The following TADA2A variants were observed in gnomAD, a reference collection of about 807,000 sequenced individuals.
TADA2A encodes the protein transcriptional adapter 2-alpha.
In TADA2A, 38 loss-of-function variants were observed where a neutral mutation model predicts 67.4. The observed-to-expected ratio is 0.56, with a 90% CI of 0.44 to 0.74. The LOEUF is 0.74. TADA2A is among the 30% of genes least tolerant of loss of function. The probability of loss-of-function intolerance (pLI) is 0.00; values close to 1 mark genes in which losing one functional copy is unlikely to be tolerated. For synonymous variants in TADA2A, 192 were observed against 181.6 expected, an observed-to-expected ratio of 1.06 and a Z score of -0.46; for missense variants, 454 against 547.0, an observed-to-expected ratio of 0.83 and a Z score of 1.70.
intron 4 of TADA2A, among the ~76,000 whole-genome samples, chr17:37,430,850 C>T (rs1479811221): frequency 6.6e-6 from 1 of 152,176 alleles, no homozygotes; most frequent in Non-Finnish European, 1.5e-5. Flanking sequence ...ATGACAGTCT[C>T]TTCAACTAAT....
chr17:37,455,608 C>T (rs982195735), intron 8 of TADA2A, among the ~76,000 whole-genome samples: 1 of 152,080 alleles, frequency 6.6e-6, no homozygotes, highest in Non-Finnish European at 1.5e-5. Flanking sequence ...GTCTTGAGCT[C>T]CTGACCTTGT....
intron 15 of TADA2A, 33 bp from the exon 16 acceptor site, chr17:37,476,764 G>A: frequency 1.3e-6 from 2 of 1,584,824 alleles, no homozygotes; most frequent in South Asian, 1.1e-5. Context: ...AATGACAGAT[G>A]TTAATGTTTA....
chr17:37,432,183 T>TG (rs1255797912), intron 4 of TADA2A, among the ~76,000 whole-genome samples: 2 of 152,170 alleles, frequency 1.3e-5, no homozygotes, highest in African/African-American at 4.8e-5. Context: ...TATTTTTTTT[T>TG]TGTGACAGTC....
At chr17:37,460,026 A>G (rs1014029950) in intron 9 of TADA2A, among the ~76,000 whole-genome samples, 1 of 149,852 alleles carries the variant, frequency 6.7e-6, no homozygotes, top group African/African-American at 2.4e-5. Flanking sequence ...AGATCACACC[A>G]CTGCACTCCA....
At chr17:37,459,778 T>C (rs2148018745) in intron 9 of TADA2A, among the ~76,000 whole-genome samples, 1 of 151,786 alleles carries the variant, frequency 6.6e-6, no homozygotes, top group Admixed American at 6.6e-5. Flanking sequence ...CCTTTTTCTT[T>C]TTTTAGACTG....
chr17:37,468,089 A>G (rs1410661652), intron 12 of TADA2A, among the ~76,000 whole-genome samples: 1 of 152,140 alleles, frequency 6.6e-6, no homozygotes, highest in East Asian at 1.9e-4. Context: ...TTCAAAAAAA[A>G]AAAAAAGGAA....
At chr17:37,424,165 G>A (rs2052332863) in intron 3 of TADA2A, among the ~76,000 whole-genome samples, 1 of 152,130 alleles carries the variant, frequency 6.6e-6, no homozygotes. Flanking sequence ...GGGCACAGTG[G>A]CTCATGCCTG....
Position 37,465,487 on chromosome 17 carries a change from T to G in TADA2A, c.769T>G (p.Phe257Val). The G allele has an allele frequency of 6.2e-7, 1 of 1,614,122 alleles. No individual in the cohort carries two copies. Among genetic ancestry groups the G allele is most frequent in the African/African-American group, 1.3e-5 (1 of 75,010 alleles). The part of the protein sequence containing the change: ...VQDLYETMRR[F>V]ARIVGPVEHD... ...GGACCTGTATGAAACAATGAGGCGATTTGCAAGAATTGTGGGGCCAGTGGA... is the reference window on the plus strand; with the variant it reads ...GGACCTGTATGAAACAATGAGGCGAGTTGCAAGAATTGTGGGGCCAGTGGA... Residue 257 changes from phenylalanine (F) to valine (V), a missense_variant, in exon 11 of 16, where the codon TTT becomes GTT. By Grantham distance (50) the Phe-to-Val change is conservative (BLOSUM62 -1). Around this residue, in one of 2 missense-constraint regions of TADA2A, gnomAD observed 403 missense variants for 455.5 expected, o/e 0.88. Transcript: ENST00000615182.
chr17:37,459,655 C>T (rs965494968), intron 9 of TADA2A, among the ~76,000 whole-genome samples: 1 of 151,164 alleles, frequency 6.6e-6, no homozygotes, highest in Non-Finnish European at 1.5e-5. Flanking sequence ...TGCAGTGTCA[C>T]TATCATGGCT....
chr17:37,440,539 AAGG>A lies in TADA2A; in HGVS notation c.325_327del (p.Glu109del). On this transcript the variant is annotated inframe_deletion, in exon 6 of 16. Transcript: ENST00000615182. ...AGCCAATCAAATGTGCACCAAGACC[AAGG>A]AGGAGTGTGAGAAGCACTATATGAA... is the stretch of plus-strand genomic sequence containing the variant. The A allele has an allele frequency of 6.2e-7, 1 of 1,614,154 alleles. No homozygotes were observed. Among genetic ancestry groups the A allele is most frequent in the Non-Finnish European group, 8.5e-7 (1 of 1,180,018 alleles).
At chr17:37,424,026 G>A (rs918031165) in intron 3 of TADA2A, among the ~76,000 whole-genome samples, 2 of 151,980 alleles carry the variant, frequency 1.3e-5, no homozygotes, top group Non-Finnish European at 2.9e-5. Flanking sequence ...GGGATTACAG[G>A]CGTGAGCCAC....
rs949398424 is a variant in TADA2A at position 37,478,623 on chromosome 17, T to A, written c.*1641T>A. 1.3e-5 allele frequency: 2 copies of A among 152,188 alleles called. No homozygotes were observed. The highest frequency in any genetic ancestry group is 6.6e-5 in the Admixed American group (1 of 15,264). The allele number at this position is 152,188 out of a possible 1,614,324, so 9.4% of individuals were successfully genotyped here. Reference sequence around the variant, plus strand: ...GTTTCTGCAGAATAAGAAGCCAAACTTATGGTTATCTTGTTTCTGTTAGAA... The same window carrying A: ...GTTTCTGCAGAATAAGAAGCCAAACATATGGTTATCTTGTTTCTGTTAGAA... On this transcript the variant is annotated 3_prime_UTR_variant, in exon 16 of 16. Coordinates refer to ENST00000615182, the MANE Select transcript of TADA2A (RefSeq NM_001166105.3).
intron 2 of TADA2A, among the ~76,000 whole-genome samples, chr17:37,422,481 G>GATGATGATGATGATGATTATTATT (rs1296355161): frequency 7.3e-6 from 1 of 136,988 alleles, no homozygotes; most frequent in African/African-American, 2.7e-5. Context: ...ATGCCCAGCT[G>GATGATGATGATGATGATTATTATT]ATTATTATTA....
chr17:37,433,242 C>T (rs182948436), intron 4 of TADA2A, among the ~76,000 whole-genome samples: 4 of 152,126 alleles, frequency 2.6e-5, no homozygotes, highest in Admixed American at 2.0e-4. Flanking sequence ...TGTGAGCCAC[C>T]GTGCCCAGCC....
chr17:37,434,000 A>G (rs1035716667), intron 4 of TADA2A, among the ~76,000 whole-genome samples: 1 of 152,070 alleles, frequency 6.6e-6, no homozygotes, highest in African/African-American at 2.4e-5. Context: ...TTACTACAAT[A>G]CTAGTAACTA....
intron 7 of TADA2A, among the ~76,000 whole-genome samples, chr17:37,444,259 C>CAAA (rs5820215): frequency 0.01 from 1,338 of 132,026 alleles, 5 homozygotes; most frequent in Non-Finnish European, 0.011. Flanking sequence ...ACCCTGTTTC[C>CAAA]AAAAAAAAAA....
intron 12 of TADA2A, among the ~76,000 whole-genome samples, chr17:37,468,113 G>A (rs1462258035): frequency 6.6e-6 from 1 of 151,952 alleles, no homozygotes; most frequent in Non-Finnish European, 1.5e-5. Flanking sequence ...TATATTTTAG[G>A]TGTGTCACCC....
chr17:37,426,779 A>C (rs1219562936), intron 3 of TADA2A, 171 bp from the exon 4 acceptor site: 7 of 540,958 alleles, frequency 1.3e-5, no homozygotes, highest in Non-Finnish European at 1.9e-5. Flanking sequence ...TAGGAGTTCA[A>C]GGCTGCAGTG....
intron 4 of TADA2A, among the ~76,000 whole-genome samples, chr17:37,430,971 CAT>C (rs1447329460): frequency 5.3e-5 from 8 of 152,122 alleles, no homozygotes; most frequent in South Asian, 2.1e-4. Flanking sequence ...CATAATACCT[CAT>C]GTGCTAGATA....
Sources: gnomAD v4.1 joint callset for allele counts (sites outside exome capture counted in the v4.1 genomes callset) on GRCh38, gnomAD v4.1.1 for gene constraint, gnomAD v4.1.1 regional missense constraint, MANE v1.5 for transcripts, NCBI Gene and HGNC (gene_info 2026-07-23, HGNC 2026-07-21) for gene names.